The following DOT1L variants were observed in gnomAD, a reference collection of about 807,000 sequenced individuals.
The protein encoded by DOT1L is histone-lysine N-methyltransferase, H3 lysine-79 specific.
Under a neutral mutation model 153.3 loss-of-function variants are expected in DOT1L, and 33 were observed. That is an observed-to-expected ratio of 0.22 (90% CI 0.16 to 0.29). The LOEUF is 0.29. Ranked by LOEUF, DOT1L falls within the 10% of genes least tolerant of loss-of-function variation. DOT1L has a pLI of 1.00. For missense variants in DOT1L, 1,847 were observed against 2,119.9 expected (o/e 0.87, Z 2.53); for synonymous variants, 1,135 against 965.1 (o/e 1.18, Z -3.26).
chr19:2,214,257 C>T (rs1242474126), intron 18 of DOT1L: 21 of 880,028 alleles, frequency 2.4e-5, no homozygotes, highest in South Asian at 5.4e-5. Flanking sequence ...ATCCCACCAT[C>T]GTGGTGTGGG....
In DOT1L at chr19:2,230,045, C is replaced by T. The variant is rs148986997; in HGVS notation, c.*253C>T. 3.1e-6 allele frequency: 2 copies of T among 636,900 alleles called. No homozygotes were observed. Among genetic ancestry groups the T allele is most frequent in the African/African-American group, 1.8e-5 (1 of 54,332 alleles). 39.5% of individuals were successfully genotyped at this position (636,900 alleles called of 1,614,324 possible). A position where few individuals can be genotyped will look rare whatever the true frequency, so the allele number is the denominator to read the frequency against. The stretch of plus-strand genomic sequence containing the variant: ...ACAATTCTGACTTATTTTATTCCAT[C>T]TAAGTGGTAAAAGGCAACTTATTGA... On this transcript the variant is annotated 3_prime_UTR_variant, in exon 28 of 28. Coordinates refer to ENST00000398665, the MANE Select transcript of DOT1L (RefSeq NM_032482.3).
chr19:2,226,176 T>C lies in DOT1L; in HGVS notation c.3662-7T>C, dbSNP rs1247279489. The stretch of plus-strand genomic sequence containing the variant: ...GGCTCACGGCTTCTGCCTTTCCTCT[T>C]TGCCAGGTGGTGGCTTGGCGGGAAG... On this transcript the variant is annotated splice_region_variant and splice_polypyrimidine_tract_variant and intron_variant, in intron 26 of 27. Transcript: ENST00000398665. 1.3e-6 allele frequency: 2 copies of C among 1,514,664 alleles called. No homozygotes were observed. The highest frequency in any genetic ancestry group is 2.8e-5 in the African/African-American group (2 of 71,782). 93.8% of individuals were successfully genotyped at this position (1,514,664 alleles called of 1,614,324 possible).
chr19:2,190,800 T>A lies in DOT1L; in HGVS notation c.265-212T>A, dbSNP rs111947995. Among the ~76,000 whole-genome samples the A allele has an allele frequency of 0.024, 3,630 of 151,690 alleles. 140 individuals are homozygous for A. The highest frequency in any genetic ancestry group is 0.083 in the African/African-American group (3,418 of 41,294). On this transcript the variant is annotated intron_variant, in intron 4 of 27. Transcript: ENST00000398665. This position sits in a 1 kb window ranked among gnomAD's most constrained non-coding sequence, Gnocchi z 4.8. ...TGGAGCCTCCTAGGACCCCTCTGAGTTGGGGCCTGTCCCTGGGGATGCTGC... is the reference window on the plus strand; with the variant it reads ...TGGAGCCTCCTAGGACCCCTCTGAGATGGGGCCTGTCCCTGGGGATGCTGC...
rs1044986788 is a variant in DOT1L, at chr19:2,197,706, A to G, written c.652-2178A>G. 1.3e-5 allele frequency among the ~76,000 whole-genome samples: 2 copies of G among 152,136 alleles called. No homozygotes were observed. The highest frequency in any genetic ancestry group is 4.8e-5 in the African/African-American group (2 of 41,424). ...TGGCTCCTGAGATGTGTCTGGGAGC[A>G]TGATTTGGGGGAAAGCGTGGCATTC... On this transcript the variant is annotated intron_variant, in intron 7 of 27. Transcript: ENST00000398665. The surrounding 1 kb of genome is among the most constrained non-coding windows in gnomAD (Gnocchi z 4.1).
chr19:2,226,079 C>G, intron 26 of DOT1L, 104 bp from the exon 27 acceptor site: 1 of 1,305,766 alleles, frequency 7.7e-7, no homozygotes, highest in Non-Finnish European at 1.0e-6. Context: ...GTGACCAGCC[C>G]TGCCTGCAGA....
chr19:2,211,690 C>T, intron 15 of DOT1L, 61 bp from the exon 16 acceptor site: 1 of 1,440,640 alleles, frequency 6.9e-7, no homozygotes, highest in Middle Eastern at 1.7e-4. Flanking sequence ...GGGCTGCTCC[C>T]ACCTCTTCCC....
At chr19:2,184,302 G>A (rs554412635) in intron 2 of DOT1L, among the ~76,000 whole-genome samples, 83 of 152,226 alleles carry the variant, frequency 5.5e-4, no homozygotes, top group Non-Finnish European at 1.1e-3. Context: ...TGACCATGCT[G>A]GGGACGGGTG....
intron 16 of DOT1L, chr19:2,212,339 T>C (rs1253522275): frequency 1.3e-5 from 2 of 153,246 alleles, no homozygotes; most frequent in East Asian, 3.8e-4. Flanking sequence ...ATTTTTTGTA[T>C]TTTTAGTAGA....
At chr19:2,164,323 G>C (rs1300548492) in intron 1 of DOT1L, 58 bp downstream of exon 1, 5 of 1,192,570 alleles carry the variant, frequency 4.2e-6, no homozygotes, top group South Asian at 8.3e-5. Flanking sequence ...GCCGCCCCTG[G>C]GGACACCCCA....
chr19:2,172,909 G>A (rs1264012444), intron 1 of DOT1L, among the ~76,000 whole-genome samples: 4 of 151,676 alleles, frequency 2.6e-5, no homozygotes, highest in East Asian at 1.9e-4. Context: ...CCCAGGAGGC[G>A]GAGCTTGCAG....
chr19:2,212,822 C>G (rs1211801070), intron 16 of DOT1L: 1 of 152,228 alleles, frequency 6.6e-6, no homozygotes, highest in Non-Finnish European at 1.5e-5. Flanking sequence ...CCTGAGGTCC[C>G]GGCTGTGGGG....
chr19:2,196,158 G>T (rs1344361062), intron 7 of DOT1L, among the ~76,000 whole-genome samples: 2 of 152,320 alleles, frequency 1.3e-5, no homozygotes, highest in South Asian at 2.1e-4. Context: ...AGACCCCTCC[G>T]CACTGTCCCA....
At chr19:2,175,790 A>G (rs541061757) in intron 1 of DOT1L, among the ~76,000 whole-genome samples, 3 of 152,220 alleles carry the variant, frequency 2.0e-5, no homozygotes, top group East Asian at 1.9e-4. Context: ...AGACTGCGCC[A>G]TTGAACCTGG....
chr19:2,187,962 C>A (rs1373373845), intron 3 of DOT1L, among the ~76,000 whole-genome samples: 1 of 148,644 alleles, frequency 6.7e-6, no homozygotes, highest in African/African-American at 2.5e-5. Flanking sequence ...ACAGGAAGGG[C>A]CAGGGCTGCT....
Position 2,193,967 on chromosome 19 carries a change from C to G in DOT1L, c.588+184C>G, listed in dbSNP as rs1191591117. ...ATAGGGTGCCCGATCGCCCTCACGG[C>G]CCATTACAGGCCGGCCCTCCAGGCC... On this transcript the variant is annotated intron_variant, in intron 6 of 27. Coordinates refer to ENST00000398665, the MANE Select transcript of DOT1L (RefSeq NM_032482.3). This position sits in a 1 kb window ranked among gnomAD's most constrained non-coding sequence, Gnocchi z 5.9. 6.6e-6 allele frequency among the ~76,000 whole-genome samples: 1 copy of G among 152,168 alleles called. No individual in the cohort carries two copies. Among genetic ancestry groups the G allele is most frequent in the Non-Finnish European group, 1.5e-5 (1 of 68,018 alleles).
rs184482663 is a variant in DOT1L at position 2,210,647 on chromosome 19, G to A, written c.1143G>A (p.Ala381=). 9.3e-5 allele frequency: 150 copies of A among 1,612,830 alleles called. 1 individual carries two copies. In the South Asian group the frequency reaches 1.1e-3, roughly 12 times the overall value. The part of the protein sequence containing the change: ...PMDSGAEEEK[A]GAATVKKPSP... ...ACTCTGGTGCTGAGGAAGAGAAGGCGGGAGCAGCCACCGTGAAGAAGCCGT... is the reference window on the plus strand; with the variant it reads ...ACTCTGGTGCTGAGGAAGAGAAGGCAGGAGCAGCCACCGTGAAGAAGCCGT... The change falls in exon 14 of 28, where the codon GCG becomes GCA. Residue 381 remains alanine (A), a synonymous_variant. Coordinates refer to ENST00000398665, the MANE Select transcript of DOT1L (RefSeq NM_032482.3).
In DOT1L at chr19:2,164,030, CGCGGCGGCG is replaced by C. The variant is rs576715318; in HGVS notation, c.-140_-132del. The C allele has an allele frequency of 1.0e-5, 3 of 301,056 alleles. No homozygotes were observed. Among genetic ancestry groups the C allele is most frequent in the South Asian group, 2.5e-4 (2 of 8,060 alleles). The allele number at this position is 301,056 out of a possible 1,614,324, so 18.6% of individuals were successfully genotyped here. A position where few individuals can be genotyped will look rare whatever the true frequency, so the allele number is the denominator to read the frequency against. ...AGTCGGGGGCCGGGCCGGACCGGAG[CGCGGCGGCG>C]GCGGCGGCGGCGGCCGAGGCCGAGG... is the stretch of plus-strand genomic sequence containing the variant. On this transcript the variant is annotated 5_prime_UTR_variant, in exon 1 of 28. Transcript: ENST00000398665.
At chr19:2,192,734 C>A (rs1355370002) in intron 5 of DOT1L, among the ~76,000 whole-genome samples, 1 of 151,644 alleles carries the variant, frequency 6.6e-6, no homozygotes, top group Non-Finnish European at 1.5e-5. Context: ...TGCCTGTAAT[C>A]CCAATGCTTT....
At chr19:2,173,780 G>A (rs1429530396) in intron 1 of DOT1L, among the ~76,000 whole-genome samples, 2 of 152,152 alleles carry the variant, frequency 1.3e-5, no homozygotes, top group Admixed American at 6.6e-5. Flanking sequence ...GCCTCACTAC[G>A]CACTTCAAGA....
Sources: allele counts gnomAD v4.1 joint callset (sites outside exome capture counted in the v4.1 genomes callset), GRCh38; gene constraint gnomAD v4.1.1; non-coding constraint Gnocchi (gnomAD v3.1); transcripts MANE v1.5; gene names NCBI Gene and HGNC (gene_info 2026-07-23, HGNC 2026-07-21).